GNAS: variants seen among roughly 807,000 people sequenced by gnomAD.
The protein encoded by GNAS is protein ALEX.
Under a neutral mutation model 54.5 loss-of-function variants are expected in GNAS, and 8 were observed. That is an observed-to-expected ratio of 0.15 (90% CI 0.09 to 0.26). The LOEUF (loss-of-function observed/expected upper bound fraction) is 0.26. Among genes scored for constraint, GNAS ranks in the 10% least tolerant of loss-of-function variants. The probability of loss-of-function intolerance (pLI) is 1.00; values close to 1 mark genes in which losing one functional copy is unlikely to be tolerated. For missense variants in GNAS, 170 were observed against 529.8 expected (o/e 0.32, Z 6.67); for synonymous variants, 204 against 191.4 (o/e 1.07, Z -0.54).
At chr20:58,889,188 C>T (rs972288210), upstream of GNAS, 7 of 1,216,054 alleles carry the variant, frequency 5.8e-6, no homozygotes, top group Admixed American at 1.9e-4. Flanking sequence ...TCAGTCGCGT[C>T]GGCACCGCGG....
At chr20:58,903,415 C>T in intron 3 of GNAS, 116 bp from the exon 4 acceptor site, 1 of 910,730 alleles carries the variant, frequency 1.1e-6, no homozygotes, top group Non-Finnish European at 1.8e-6. Flanking sequence ...GATCCGAACC[C>T]ACAACTCCCT....
At chr20:58,890,192 G>A (rs1600944497), upstream of GNAS, among the ~76,000 whole-genome samples, 1 of 151,512 alleles carries the variant, frequency 6.6e-6, no homozygotes, top group East Asian at 1.9e-4. Flanking sequence ...AGATGGAGAA[G>A]ATGCTGAAGA....
At chr20:58,889,007 C>G (rs1278092405), upstream of GNAS, 3 of 951,378 alleles carry the variant, frequency 3.2e-6, no homozygotes, top group Non-Finnish European at 3.7e-6. Flanking sequence ...GCGGTCCCGG[C>G]ACCGGCCTGC....
upstream of GNAS, chr20:58,840,375 A>G: frequency 6.2e-7 from 1 of 1,613,384 alleles, no homozygotes; most frequent in Non-Finnish European, 8.5e-7. This position sits in a 1 kb window ranked among gnomAD's most constrained non-coding sequence, Gnocchi z 6.0. Flanking sequence ...GAGCACGAGG[A>G]GGCAGACCTT....
At chr20:58,895,705 G>C in intron 2 of GNAS, 21 bp downstream of exon 2, 2 of 1,374,016 alleles carry the variant, frequency 1.5e-6, no homozygotes, top group African/African-American at 1.4e-5. Flanking sequence ...AATCTGTGCA[G>C]GGGGGCACCA....
intron 2 of GNAS, 154 bp from the exon 3 acceptor site, chr20:58,898,787 C>G: frequency 1.3e-6 from 1 of 765,452 alleles, no homozygotes; most frequent in South Asian, 1.4e-5. Context: ...GCCAGAAAGG[C>G]GACCTAAGAA....
At chr20:58,886,503 T>C (rs1422198698), upstream of GNAS, among the ~76,000 whole-genome samples, 3 of 152,296 alleles carry the variant, frequency 2.0e-5, no homozygotes, top group East Asian at 1.9e-4. Context: ...GCCCCTTCCA[T>C]TGGAAAGCTC....
In GNAS at chr20:58,854,311, CAG is replaced by C. The variant is rs1473943899; in HGVS notation, c.43+13431_43+13432del. ...GGAGCCCCAGATAAGAGAGAGCGAG[CAG>C]AGAGACCCCCAGTTGAGGAGGAAGC... On this transcript the variant is annotated intron_variant, in intron 1 of 12. Coordinates refer to the GNAS transcript ENST00000306090. 2 of 1,600,918 alleles carry C rather than the reference CAG, an allele frequency of 1.2e-6. No individual in the cohort carries two copies. The highest frequency in any genetic ancestry group is 1.3e-5 in the African/African-American group (1 of 74,440).
chr20:58,883,967 A>AG (rs1367735954), intron 1 of GNAS, among the ~76,000 whole-genome samples: 1 of 152,254 alleles, frequency 6.6e-6, no homozygotes, highest in Non-Finnish European at 1.5e-5. Flanking sequence ...AACGATGAAA[A>AG]GGTATCTACA....
At position 58,910,639 on chromosome 20, in the gene GNAS, C is replaced by T. The variant is rs778684154; in HGVS notation, c.1039-44C>T. On this transcript the variant is annotated intron_variant, in intron 12 of 12. Transcript: ENST00000371085. This position sits in a 1 kb window ranked among gnomAD's most constrained non-coding sequence, Gnocchi z 5.8. ...GTCCCCATCAGGGATAGGGTGGTTC[C>T]TGGCGAGGGTGTCACTGACAAGTCC... 1.9e-6 allele frequency: 3 copies of T among 1,612,306 alleles called. No individual in the cohort carries two copies. Among genetic ancestry groups the T allele is most frequent in the Non-Finnish European group, 2.5e-6 (3 of 1,178,652 alleles).
At chr20:58,865,701 T>C (rs1210788834) in intron 1 of GNAS, among the ~76,000 whole-genome samples, 1 of 151,418 alleles carries the variant, frequency 6.6e-6, no homozygotes, top group Non-Finnish European at 1.5e-5. Context: ...CTCAGCCTCC[T>C]AGTAGCTGGG....
At chr20:58,889,945 C>CGGCTGCCGAGGT (rs896874083), upstream of GNAS, among the ~76,000 whole-genome samples, 1 of 151,664 alleles carries the variant, frequency 6.6e-6, no homozygotes, top group Non-Finnish European at 1.5e-5. Flanking sequence ...ACGGCCGCGG[C>CGGCTGCCGAGGT]GGCTGCCGAG....
In GNAS at chr20:58,873,549, T is replaced by A. The variant is rs1266169906; in HGVS notation, c.44-22063T>A. 6.6e-6 allele frequency among the ~76,000 whole-genome samples: 1 copy of A among 152,194 alleles called. No individual in the cohort carries two copies. Among genetic ancestry groups the A allele is most frequent in the Non-Finnish European group, 1.5e-5 (1 of 68,036 alleles). On this transcript the variant is annotated intron_variant, in intron 1 of 12. Transcript: ENST00000306090. The surrounding 1 kb of genome is among the most constrained non-coding windows in gnomAD (Gnocchi z 4.3). ...CTCACTGATAAGTTATTTCCTAATTTTTTGGTTAACTTGAAGGTCGAAATA... is the reference window on the plus strand; with the variant it reads ...CTCACTGATAAGTTATTTCCTAATTATTTGGTTAACTTGAAGGTCGAAATA...
At chr20:58,892,245 G>A in intron 1 of GNAS, 4 of 931,510 alleles carry the variant, frequency 4.3e-6, no homozygotes, top group Non-Finnish European at 5.1e-6. Context: ...AGCCCATGGG[G>A]CTCCGGAGAC....
intron 2 of GNAS, chr20:58,897,354 C>T (rs538387881): frequency 6.6e-6 from 1 of 152,316 alleles, no homozygotes; most frequent in Admixed American, 6.5e-5. Context: ...CATAAATTTT[C>T]CCCCTGCAAC....
Position 58,903,681 on chromosome 20 carries a change from G to A in GNAS, c.322G>A (p.Ala108Thr), listed in dbSNP as rs2146182333. Residue 108 changes from alanine (A) to threonine (T), a missense_variant, in exon 5 of 13, where the codon GCC becomes ACC. By Grantham distance (58) the Ala-to-Thr change is moderately conservative. Around this residue, in one of 3 missense-constraint regions of GNAS, gnomAD observed 78 missense variants for 251.1 expected, o/e 0.31. Transcript: ENST00000371085. ...NLKEAIETIV[A>T]AMSNLVPPVE... ...GCTAAATCATTTTCAGACCATTGTG[G>A]CCGCCATGAGCAACCTGGTGCCCCC... 1 of 1,614,058 alleles carries A rather than the reference G, an allele frequency of 6.2e-7. No homozygotes were observed. The highest frequency in any genetic ancestry group is 8.5e-7 in the Non-Finnish European group (1 of 1,180,002).
upstream of GNAS, chr20:58,890,743 AC>A: frequency 6.7e-6 from 1 of 150,274 alleles, no homozygotes; most frequent in Non-Finnish European, 1.5e-5. Context: ...ATCTAGTCAG[AC>A]CCCCCACCCC....
At chr20:58,905,508 C>A (rs765705087) in intron 6 of GNAS, 28 bp downstream of exon 6, 6 of 1,130,874 alleles carry the variant, frequency 5.3e-6, no homozygotes, top group Non-Finnish European at 6.8e-6. Flanking sequence ...AACCCATCAG[C>A]ACATAAAACA....
chr20:58,903,333 G>A (rs1423191853), intron 3 of GNAS, 198 bp from the exon 4 acceptor site: 9 of 669,800 alleles, frequency 1.3e-5, no homozygotes, highest in African/African-American at 1.1e-4. Context: ...CCGATTGGGC[G>A]TGTCCTCAGG....
Sources: allele counts gnomAD v4.1 joint callset (sites outside exome capture counted in the v4.1 genomes callset), GRCh38; gene constraint gnomAD v4.1.1; regional missense constraint gnomAD v4.1.1; non-coding constraint Gnocchi (gnomAD v3.1); transcripts MANE v1.5; gene names NCBI Gene and HGNC (gene_info 2026-07-23, HGNC 2026-07-21).